GABRB3: variants seen among roughly 807,000 people sequenced by gnomAD.
GABRB3 encodes gamma-aminobutyric acid type A receptor subunit beta3, also known as gamma-aminobutyric acid receptor subunit beta-3.
A neutral mutation model predicts 52.1 loss-of-function variants in GABRB3; 14 were observed. The observed-to-expected ratio is 0.27, with a 90% CI of 0.18 to 0.42. The LOEUF (loss-of-function observed/expected upper bound fraction) is 0.42. GABRB3 is among the 10% of genes least tolerant of loss of function. The pLI, the probability that GABRB3 is intolerant of heterozygous loss-of-function variation, is 1.00. For synonymous variants in GABRB3, 260 were observed against 232.3 expected (o/e 1.12, Z -1.08); for missense variants, 307 against 609.1 (o/e 0.50, Z 5.22).
At chr15:26,692,312 C>A (rs1018435769) in intron 3 of GABRB3, among the ~76,000 whole-genome samples, 9 of 151,762 alleles carry the variant, frequency 5.9e-5, no homozygotes, top group African/African-American at 1.9e-4. Flanking sequence ...AAATAAGAGA[C>A]CAAACAGATT....
chr15:26,587,567 C>T (rs1039548561), intron 4 of GABRB3, among the ~76,000 whole-genome samples: 3 of 152,112 alleles, frequency 2.0e-5, no homozygotes, highest in African/African-American at 4.8e-5. Flanking sequence ...TTGAGTGAAT[C>T]GACCCTGGGA....
Position 26,773,035 on chromosome 15 carries a change from G to GCTC in GABRB3, c.-74_-73insGAG. The GCTC allele has an allele frequency of 1.0e-6, 1 of 989,032 alleles. No individual in the cohort carries two copies. The highest frequency in any genetic ancestry group is 1.2e-6 in the Non-Finnish European group (1 of 857,322). 61.3% of individuals were successfully genotyped at this position (989,032 alleles called of 1,614,324 possible). A position where few individuals can be genotyped will look rare whatever the true frequency, so the allele number is the denominator to read the frequency against. On this transcript the variant is annotated 5_prime_UTR_variant, in exon 1 of 9. Transcript: ENST00000311550. ...GCGACCCGCAGCCGGGGCTGCTCCTGCTGCTGCCGCCGCCGCCGCCGCCGC... is the reference window on the plus strand; with the variant it reads ...GCGACCCGCAGCCGGGGCTGCTCCTGCTCCTGCTGCCGCCGCCGCCGCCGCCGC...
intron 3 of GABRB3, among the ~76,000 whole-genome samples, chr15:26,664,292 A>G (rs1887635961): frequency 6.6e-6 from 1 of 152,166 alleles, no homozygotes; most frequent in Non-Finnish European, 1.5e-5. Context: ...TACATCAGAT[A>G]GTAACGTTAA....
intron 3 of GABRB3, among the ~76,000 whole-genome samples, chr15:26,663,835 T>C (rs1245892465): frequency 6.6e-6 from 1 of 152,244 alleles, no homozygotes; most frequent in East Asian, 1.9e-4. Context: ...CACATGAACA[T>C]CTTTTGGAAG....
chr15:26,580,544 G>T, intron 5 of GABRB3, 88 bp from the exon 6 acceptor site: 4 of 1,544,716 alleles, frequency 2.6e-6, no homozygotes, highest in South Asian at 2.2e-5. Flanking sequence ...TGGAGGTTGC[G>T]GCTCTGCTAT....
chr15:26,769,356 C>T (rs1328980448), intron 3 of GABRB3, among the ~76,000 whole-genome samples: 1 of 152,202 alleles, frequency 6.6e-6, no homozygotes, highest in Non-Finnish European at 1.5e-5. Flanking sequence ...CATTCTACCT[C>T]ACCATCGCTA....
chr15:26,729,878 T>C (rs141860816), intron 3 of GABRB3, among the ~76,000 whole-genome samples: 2,617 of 152,312 alleles, frequency 0.017, 65 homozygotes, highest in African/African-American at 0.059. Flanking sequence ...GTTTGTAGTC[T>C]GTCTCTCTCT....
intron 3 of GABRB3, among the ~76,000 whole-genome samples, chr15:26,652,620 T>A (rs182536537): frequency 2.0e-5 from 3 of 152,134 alleles, no homozygotes; most frequent in Non-Finnish European, 4.4e-5. Context: ...ATAGAGGCCA[T>A]AAACATTTCC....
At chr15:26,714,630 G>C (rs1935346408) in intron 3 of GABRB3, among the ~76,000 whole-genome samples, 1 of 152,184 alleles carries the variant, frequency 6.6e-6, no homozygotes, top group Non-Finnish European at 1.5e-5. Flanking sequence ...GAGGCAAACA[G>C]ATATGCATTT....
chr15:26,650,612 T>C (rs377464601), intron 3 of GABRB3, among the ~76,000 whole-genome samples: 8 of 151,980 alleles, frequency 5.3e-5, no homozygotes, highest in Non-Finnish European at 1.2e-4. Context: ...TTAAGTTAAA[T>C]CCTCAGACTG....
chr15:26,752,029 A>G (rs1890524466), intron 3 of GABRB3, among the ~76,000 whole-genome samples: 1 of 152,124 alleles, frequency 6.6e-6, no homozygotes, highest in Non-Finnish European at 1.5e-5. Context: ...CATGCTTTAA[A>G]ACATTTTTTA....
intron 3 of GABRB3, among the ~76,000 whole-genome samples, chr15:26,751,695 C>T (rs1433148461): frequency 6.6e-6 from 1 of 152,106 alleles, no homozygotes; most frequent in Non-Finnish European, 1.5e-5. Context: ...CTTTATGTTA[C>T]TGTTGATTCA....
At chr15:26,608,868 T>C (rs1891942793) in intron 4 of GABRB3, among the ~76,000 whole-genome samples, 1 of 152,094 alleles carries the variant, frequency 6.6e-6, no homozygotes, top group Non-Finnish European at 1.5e-5. Flanking sequence ...ATTAGTGCAG[T>C]CATTATGGAA....
intron 3 of GABRB3, among the ~76,000 whole-genome samples, chr15:26,634,352 C>T (rs1305132736): frequency 6.6e-6 from 1 of 152,114 alleles, no homozygotes; most frequent in Non-Finnish European, 1.5e-5. Flanking sequence ...CTCACGCAAC[C>T]CAACCCAAAC....
At chr15:26,668,079 A>G (rs1372187234) in intron 3 of GABRB3, among the ~76,000 whole-genome samples, 2 of 152,166 alleles carry the variant, frequency 1.3e-5, no homozygotes, top group African/African-American at 4.8e-5. Context: ...CCCAGACAAG[A>G]GTCAGAGTCT....
At chr15:26,573,773 G>A (rs1890495932) in intron 6 of GABRB3, among the ~76,000 whole-genome samples, 1 of 152,226 alleles carries the variant, frequency 6.6e-6, no homozygotes, top group South Asian at 2.1e-4. Context: ...GAATGCGGCT[G>A]GTTGGGTGGC....
chr15:26,574,059 G>T (rs754021871), intron 6 of GABRB3, among the ~76,000 whole-genome samples: 1 of 152,126 alleles, frequency 6.6e-6, no homozygotes. Context: ...TCAAAGAAAA[G>T]AATGCTTATA....
chr15:26,589,482 G>T (rs965732205), intron 4 of GABRB3, among the ~76,000 whole-genome samples: 10 of 152,142 alleles, frequency 6.6e-5, no homozygotes, highest in Admixed American at 6.5e-5. Flanking sequence ...TGTAAACACT[G>T]GAGAGAACAG....
intron 3 of GABRB3, among the ~76,000 whole-genome samples, chr15:26,760,564 G>C (rs1248027519): frequency 2.0e-5 from 3 of 152,080 alleles, no homozygotes; most frequent in East Asian, 3.9e-4. Flanking sequence ...AAAATCTTAA[G>C]CCTGGAGAAC....
Sources: gnomAD v4.1 joint callset for allele counts (sites outside exome capture counted in the v4.1 genomes callset) on GRCh38, gnomAD v4.1.1 for gene constraint, MANE v1.5 for transcripts, NCBI Gene and HGNC (gene_info 2026-07-23, HGNC 2026-07-21) for gene names.